HIVEP3: variants seen among roughly 807,000 people sequenced by gnomAD.
HIVEP3 encodes the protein transcription factor HIVEP3.
A neutral mutation model predicts 152.8 loss-of-function variants in HIVEP3; 49 were observed. The ratio of observed to expected loss-of-function variants is 0.32; its 90% CI spans 0.26 to 0.41. The LOEUF (loss-of-function observed/expected upper bound fraction) is 0.41. Among genes scored for constraint, HIVEP3 ranks in the 10% least tolerant of loss-of-function variants. The probability of loss-of-function intolerance (pLI) is 1.00; values close to 1 mark genes in which losing one functional copy is unlikely to be tolerated. For missense variants in HIVEP3, 2,790 were observed against 3,103.3 expected, an observed-to-expected ratio of 0.90 and a Z score of 2.40; for synonymous variants, 1,269 against 1,289.0, an observed-to-expected ratio of 0.98 and a Z score of 0.33.
chr1:41,867,143 G>A (rs930117384), intron 1 of HIVEP3, among the ~76,000 whole-genome samples: 1 of 152,088 alleles, frequency 6.6e-6, no homozygotes, highest in African/African-American at 2.4e-5. Flanking sequence ...ACTCCAGCAG[G>A]AACTCCAGGT....
Position 41,531,010 on chromosome 1 carries a change from G to T in HIVEP3, c.5208-6100C>A, listed in dbSNP as rs1369366949. Among the ~76,000 whole-genome samples the T allele has an allele frequency of 2.0e-5, 3 of 152,190 alleles. No individual in the cohort carries two copies. In the East Asian group the frequency reaches 5.8e-4, roughly 29 times the overall value. Reference sequence around the variant, plus strand: ...GAGGAGCCTGGGTTGGGTGAGGCCAGGGATGACAGGAGAGATGGAGGACAG... The same window carrying T: ...GAGGAGCCTGGGTTGGGTGAGGCCATGGATGACAGGAGAGATGGAGGACAG... On this transcript the variant is annotated intron_variant, in intron 5 of 8. Coordinates refer to ENST00000372583, the MANE Select transcript of HIVEP3 (RefSeq NM_024503.5).
intron 2 of HIVEP3, among the ~76,000 whole-genome samples, chr1:41,646,380 G>A (rs975832015): frequency 6.6e-6 from 1 of 152,160 alleles, no homozygotes; most frequent in Admixed American, 6.5e-5. Context: ...CCATGAGTGC[G>A]GGGCACAACC....
intron 3 of HIVEP3, among the ~76,000 whole-genome samples, chr1:41,591,381 C>A (rs551265992): frequency 1.3e-5 from 2 of 152,226 alleles, no homozygotes; most frequent in Admixed American, 1.3e-4. Context: ...TTGAGTTGGG[C>A]AGAGCCTTGG....
At chr1:41,599,783 G>A (rs1644719466) in intron 3 of HIVEP3, among the ~76,000 whole-genome samples, 1 of 152,038 alleles carries the variant, frequency 6.6e-6, no homozygotes, top group Admixed American at 6.5e-5. Flanking sequence ...CATCAACAGA[G>A]TAAAAAGACA....
intron 2 of HIVEP3, among the ~76,000 whole-genome samples, chr1:41,642,183 T>C (rs1207446936): frequency 6.6e-6 from 1 of 152,184 alleles, no homozygotes; most frequent in Non-Finnish European, 1.5e-5. Context: ...CACCGATCCA[T>C]AGACCCAGAC....
chr1:41,822,895 T>C lies in HIVEP3; in HGVS notation c.-801+95518A>G, dbSNP rs114918355. 5.1e-3 allele frequency among the ~76,000 whole-genome samples: 778 copies of C among 152,336 alleles called. 6 individuals carry two copies. Among genetic ancestry groups the C allele is most frequent in the African/African-American group, 0.018 (753 of 41,564 alleles). ...ATGTTCTAGTCCTTGTTCTTTTTAC[T>C]ACCTTTTGATTATATTGTCCAATTC... On this transcript the variant is annotated intron_variant, in intron 1 of 8. Transcript: ENST00000372583.
intron 1 of HIVEP3, among the ~76,000 whole-genome samples, chr1:41,824,202 C>A (rs1023337820): frequency 6.6e-6 from 1 of 152,080 alleles, no homozygotes; most frequent in African/African-American, 2.4e-5. Flanking sequence ...CACCAAGAAT[C>A]CCCCCAGGCC....
chr1:41,752,766 CA>C (rs750748744), intron 1 of HIVEP3, among the ~76,000 whole-genome samples: 15 of 152,222 alleles, frequency 9.9e-5, no homozygotes, highest in Non-Finnish European at 1.9e-4. Context: ...TAGAAGACAG[CA>C]AAACCTTGAA....
intron 1 of HIVEP3, among the ~76,000 whole-genome samples, chr1:41,750,200 T>C (rs1455799547): frequency 6.6e-6 from 1 of 152,252 alleles, no homozygotes; most frequent in Non-Finnish European, 1.5e-5. Flanking sequence ...ACAGGGTCTC[T>C]GTAATGATTA....
At position 41,906,271 on chromosome 1, in the gene HIVEP3, T is replaced by G. The variant is rs991552802; in HGVS notation, c.-801+12142A>C. ...TTGCAGTGAGCTGAGATCGCACCAC[T>G]GCACTCCAGCCTGGGCAACACAGCA... On this transcript the variant is annotated intron_variant, in intron 1 of 8. Transcript: ENST00000372583. 1.7e-4 allele frequency among the ~76,000 whole-genome samples: 25 copies of G among 151,208 alleles called. No individual in the cohort carries two copies. The East Asian group carries it at 4.9e-3, about 29-fold the overall frequency.
At chr1:41,679,693 C>T (rs1646009694) in intron 2 of HIVEP3, among the ~76,000 whole-genome samples, 1 of 152,218 alleles carries the variant, frequency 6.6e-6, no homozygotes, top group Admixed American at 6.5e-5. Flanking sequence ...AGACTCTCAG[C>T]TCAGTGCCTG....
At chr1:41,847,484 A>C (rs979896317) in intron 1 of HIVEP3, 1 of 152,244 alleles carries the variant, frequency 6.6e-6, no homozygotes, top group Non-Finnish European at 1.5e-5. Context: ...CTAAATGATC[A>C]TCTTGTCTTT....
intron 1 of HIVEP3, among the ~76,000 whole-genome samples, chr1:41,827,819 C>T (rs1642847598): frequency 2.0e-5 from 3 of 151,996 alleles, no homozygotes; most frequent in African/African-American, 7.3e-5. Flanking sequence ...TCAGGACCTC[C>T]CTTTTCCACA....
intron 2 of HIVEP3, among the ~76,000 whole-genome samples, chr1:41,650,722 A>G (rs181852451): frequency 8.5e-5 from 13 of 152,254 alleles, no homozygotes; most frequent in Admixed American, 8.5e-4. Context: ...CTACATGTGC[A>G]TACACAGACT....
chr1:41,548,755 C>T (rs147983806), intron 5 of HIVEP3, among the ~76,000 whole-genome samples: 4,173 of 152,118 alleles, frequency 0.027, 183 homozygotes, highest in African/African-American at 0.096. Context: ...AGGCTGGTCT[C>T]GAACTCCTGA....
At chr1:41,957,302 T>C (rs566589550) in intron 1 of HIVEP3, among the ~76,000 whole-genome samples, 1 of 152,328 alleles carries the variant, frequency 6.6e-6, no homozygotes, top group South Asian at 2.1e-4. Context: ...ACTGTTACTA[T>C]ACTCATCCTG....
intron 1 of HIVEP3, among the ~76,000 whole-genome samples, chr1:41,733,330 T>C (rs1646870109): frequency 1.3e-5 from 2 of 152,204 alleles, no homozygotes; most frequent in South Asian, 4.1e-4. Context: ...AACTCCCAGG[T>C]ACCAAGTGGT....
intron 1 of HIVEP3, among the ~76,000 whole-genome samples, chr1:41,796,277 A>T (rs1649976722): frequency 6.6e-6 from 1 of 152,236 alleles, no homozygotes; most frequent in South Asian, 2.1e-4. Context: ...CAAGTAGAGC[A>T]TTGATTGGCT....
chr1:41,669,369 G>A (rs1309055305), intron 2 of HIVEP3, among the ~76,000 whole-genome samples: 1 of 152,118 alleles, frequency 6.6e-6, no homozygotes, highest in African/African-American at 2.4e-5. Context: ...GTGGGAGGAG[G>A]GTGTGATGGT....
Sources: allele counts gnomAD v4.1 joint callset (sites outside exome capture counted in the v4.1 genomes callset), GRCh38; gene constraint gnomAD v4.1.1; transcripts MANE v1.5; gene names NCBI Gene and HGNC (gene_info 2026-07-23, HGNC 2026-07-21).